CSNK1A1: variants seen among roughly 807,000 people sequenced by gnomAD.
The protein encoded by CSNK1A1 is casein kinase I isoform alpha.
In CSNK1A1, 7 loss-of-function variants were observed where a neutral mutation model predicts 46.1. That is an observed-to-expected ratio of 0.15 (90% CI 0.09 to 0.29). The LOEUF (loss-of-function observed/expected upper bound fraction) is 0.29. CSNK1A1 is among the 10% of genes least tolerant of loss of function. CSNK1A1 has a pLI of 1.00. For missense variants in CSNK1A1, 96 were observed against 417.1 expected, an observed-to-expected ratio of 0.23 and a Z score of 6.71; for synonymous variants, 137 against 141.5, an observed-to-expected ratio of 0.97 and a Z score of 0.23.
Position 149,537,499 on chromosome 5 carries a change from T to C in CSNK1A1, c.231-12328A>G, listed in dbSNP as rs578157267. Among the ~76,000 whole-genome samples the C allele has an allele frequency of 2.6e-5, 4 of 152,234 alleles. No homozygotes were observed. In the South Asian group the frequency reaches 8.3e-4, roughly 32 times the overall value. On this transcript the variant is annotated intron_variant, in intron 2 of 9. Coordinates refer to ENST00000377843, the MANE Select transcript of CSNK1A1 (RefSeq NM_001892.6). Reference sequence around the variant, plus strand: ...TCACTAACTACCCTCAACAGCTTGATACAATGGAGTGCCAAAACCTCAGCA... The same window carrying C: ...TCACTAACTACCCTCAACAGCTTGACACAATGGAGTGCCAAAACCTCAGCA...
At chr5:149,510,898 A>G (rs1024246009) in intron 6 of CSNK1A1, among the ~76,000 whole-genome samples, 2 of 152,214 alleles carry the variant, frequency 1.3e-5, no homozygotes, top group African/African-American at 4.8e-5. Context: ...AAGTCACAAT[A>G]TTTTTCTAAA....
chr5:149,550,454 G>T lies in CSNK1A1; in HGVS notation c.124-273C>A. ...TCTGAACGTAGTGAGAGGTTTTTAA[G>T]GAACTAGGCGATCGGAAACTGTTCT... On this transcript the variant is annotated intron_variant, in intron 1 of 9. Transcript: ENST00000377843. This position sits in a 1 kb window ranked among gnomAD's most constrained non-coding sequence, Gnocchi z 4.3. 1.8e-6 allele frequency: 1 copy of T among 559,298 alleles called. No individual in the cohort carries two copies. Among genetic ancestry groups the T allele is most frequent in the Non-Finnish European group, 2.3e-6 (1 of 441,164 alleles). The allele number at this position is 559,298 out of a possible 1,614,324, so 34.6% of individuals were successfully genotyped here.
intron 3 of CSNK1A1, among the ~76,000 whole-genome samples, chr5:149,524,104 T>C (rs568836342): frequency 1.8e-4 from 27 of 152,324 alleles, no homozygotes; most frequent in African/African-American, 6.5e-4. Context: ...AGTGATAAAG[T>C]AAATAAAGGT....
At chr5:149,524,352 CA>C (rs1761667600) in intron 3 of CSNK1A1, among the ~76,000 whole-genome samples, 1 of 152,070 alleles carries the variant, frequency 6.6e-6, no homozygotes, top group South Asian at 2.1e-4. Flanking sequence ...CTGATCAAAA[CA>C]AAAAATTATA....
At chr5:149,516,510 T>C (rs894559664) in intron 4 of CSNK1A1, among the ~76,000 whole-genome samples, 2 of 152,022 alleles carry the variant, frequency 1.3e-5, no homozygotes, top group African/African-American at 2.4e-5. Context: ...TAATTTCCCT[T>C]GCCCTTCTAA....
chr5:149,509,846 T>C (rs372654003), intron 7 of CSNK1A1, 33 bp downstream of exon 7: 1 of 1,541,562 alleles, frequency 6.5e-7, no homozygotes, highest in South Asian at 1.1e-5. Context: ...TGGCTTCATT[T>C]ATATTTTTTT....
At position 149,545,374 on chromosome 5, in the gene CSNK1A1, C is replaced by CA. The variant is rs576582128; in HGVS notation, c.230+4700dup. The CA allele has an allele frequency of 5.2e-5, 23 of 439,822 alleles. No individual in the cohort carries two copies. In the South Asian group the frequency reaches 7.8e-4, roughly 15 times the overall value. The allele number at this position is 439,822 out of a possible 1,614,324, so 27.2% of individuals were successfully genotyped here. A position where few individuals can be genotyped will look rare whatever the true frequency, so the allele number is the denominator to read the frequency against. On this transcript the variant is annotated intron_variant, in intron 2 of 9. Coordinates refer to ENST00000377843, the MANE Select transcript of CSNK1A1 (RefSeq NM_001892.6). The stretch of plus-strand genomic sequence containing the variant: ...GTCCTTCTGTCCTCACGTTGGCAGA[C>CA]AGAGATACCTACTCCGAAGCCTTTG...
intron 9 of CSNK1A1, chr5:149,499,424 C>A (rs1172885116): frequency 9.2e-6 from 2 of 216,586 alleles, no homozygotes; most frequent in Non-Finnish European, 1.6e-5. Context: ...ATATAACTAA[C>A]AAGGATATTC....
intron 2 of CSNK1A1, among the ~76,000 whole-genome samples, chr5:149,526,325 A>T (rs1761724133): frequency 6.6e-6 from 1 of 152,062 alleles, no homozygotes; most frequent in African/African-American, 2.4e-5. Context: ...TTTTTGGTAG[A>T]GACATGGTCT....
Position 149,545,321 on chromosome 5 carries a change from A to C in CSNK1A1, c.230+4754T>G, listed in dbSNP as rs756597358. The C allele has an allele frequency of 8.4e-5, 29 of 347,092 alleles. No individual in the cohort carries two copies. The East Asian group carries it at 1.5e-3, about 18-fold the overall frequency. 21.5% of individuals were successfully genotyped at this position (347,092 alleles called of 1,614,324 possible). A position where few individuals can be genotyped will look rare whatever the true frequency, so the allele number is the denominator to read the frequency against. On this transcript the variant is annotated intron_variant, in intron 2 of 9. Coordinates refer to ENST00000377843, the MANE Select transcript of CSNK1A1 (RefSeq NM_001892.6). ...AGCACAGGAGGACCCCAGCCCCATAAAGACGGCAGCCCAGGGGGGTTGCAT... is the reference window on the plus strand; with the variant it reads ...AGCACAGGAGGACCCCAGCCCCATACAGACGGCAGCCCAGGGGGGTTGCAT...
rs1477503753 is a variant in CSNK1A1 at position 149,522,088 on chromosome 5, T to C, written c.358-1700A>G. On this transcript the variant is annotated intron_variant, in intron 3 of 9. Coordinates refer to ENST00000377843, the MANE Select transcript of CSNK1A1 (RefSeq NM_001892.6). ...TATTTTGACTGCTTATGGCATTTCTTGTATACAATAGAAGTTCTGTGTTTT... is the reference window on the plus strand; with the variant it reads ...TATTTTGACTGCTTATGGCATTTCTCGTATACAATAGAAGTTCTGTGTTTT... Among the ~76,000 whole-genome samples, 8 of 152,272 alleles carry C rather than the reference T, an allele frequency of 5.3e-5. No homozygotes were observed. The East Asian group carries it at 1.3e-3, about 26-fold the overall frequency.
intron 7 of CSNK1A1, among the ~76,000 whole-genome samples, chr5:149,507,885 A>G (rs748923460): frequency 6.6e-6 from 1 of 152,208 alleles, no homozygotes; most frequent in Non-Finnish European, 1.5e-5. Flanking sequence ...TATTAATAAT[A>G]CTGCTAAGTA....
chr5:149,536,999 T>C (rs1762078656), intron 2 of CSNK1A1, among the ~76,000 whole-genome samples: 2 of 152,240 alleles, frequency 1.3e-5, no homozygotes, highest in Admixed American at 1.3e-4. Flanking sequence ...AAAGGTGTTG[T>C]GGTAATTATG....
chr5:149,543,809 G>A (rs1301262071), intron 2 of CSNK1A1, among the ~76,000 whole-genome samples: 1 of 152,122 alleles, frequency 6.6e-6, no homozygotes, highest in Non-Finnish European at 1.5e-5. Flanking sequence ...AGGATCATTT[G>A]AGTCCAGGAG....
At chr5:149,549,184 G>C (rs1045256922) in intron 2 of CSNK1A1, 14 of 371,830 alleles carry the variant, frequency 3.8e-5, no homozygotes, top group African/African-American at 2.8e-4. Flanking sequence ...ACTTATCAAA[G>C]TGTGGCTAAG....
intron 4 of CSNK1A1, among the ~76,000 whole-genome samples, chr5:149,518,413 T>C (rs560407069): frequency 2.0e-5 from 3 of 152,178 alleles, no homozygotes; most frequent in Non-Finnish European, 2.9e-5. Flanking sequence ...ACTTTAAAAA[T>C]TGTCCTCAAA....
rs150989849 is a variant in CSNK1A1 at position 149,544,758 on chromosome 5, T to TATATATATATATATACAC, written c.230+5316_230+5317insGTGTATATATATATATAT. 2.6e-4 allele frequency among the ~76,000 whole-genome samples: 34 copies of TATATATATATATATACAC among 129,262 alleles called. 1 individual carries two copies. Among genetic ancestry groups the TATATATATATATATACAC allele is most frequent in the African/African-American group, 9.2e-4 (29 of 31,536 alleles). The allele number at this position is 129,262 out of a possible 152,430, so 84.8% of individuals were successfully genotyped here. On this transcript the variant is annotated intron_variant, in intron 2 of 9. Coordinates refer to ENST00000377843, the MANE Select transcript of CSNK1A1 (RefSeq NM_001892.6). ...AGCTTTATATATATATATATATATA[T>TATATATATATATATACAC]ATATATAGTTATTGACCAATCATGT...
intron 2 of CSNK1A1, among the ~76,000 whole-genome samples, chr5:149,539,402 G>A (rs1276086683): frequency 6.6e-6 from 1 of 151,776 alleles, no homozygotes; most frequent in East Asian, 1.9e-4. Flanking sequence ...GGAGTTCAAG[G>A]CTGCAGTAAG....
chr5:149,530,428 A>G (rs1218154208), intron 2 of CSNK1A1, among the ~76,000 whole-genome samples: 1 of 152,256 alleles, frequency 6.6e-6, no homozygotes, highest in Non-Finnish European at 1.5e-5. Flanking sequence ...TATTAATGTC[A>G]GAGTCTTCAG....
Sources: allele counts gnomAD v4.1 joint callset (sites outside exome capture counted in the v4.1 genomes callset), GRCh38; gene constraint gnomAD v4.1.1; non-coding constraint Gnocchi (gnomAD v3.1); transcripts MANE v1.5; gene names NCBI Gene and HGNC (gene_info 2026-07-23, HGNC 2026-07-21).